Variants in ATOSA observed in about 807,000 individuals in gnomAD.
ATOSA encodes atos homolog A, also known as atos homolog protein A.
the ATOSA span, among the ~76,000 whole-genome samples, chr15:52,670,082 T>C: frequency 2.0e-5 from 3 of 152,218 alleles, no homozygotes; most frequent in Non-Finnish European, 4.4e-5. Flanking sequence ...CCCTCTCCAT[T>C]GCATTTGCAT....
chr15:52,699,436 ATCC>A, the ATOSA span, among the ~76,000 whole-genome samples: 26 of 151,656 alleles, frequency 1.7e-4, no homozygotes, highest in South Asian at 2.1e-3. Context: ...CAATCTCCAA[ATCC>A]TTTTAATCCT....
chr15:52,636,003 T>C, the ATOSA span, among the ~76,000 whole-genome samples: 2 of 148,240 alleles, frequency 1.3e-5, no homozygotes, highest in Admixed American at 6.8e-5. Context: ...TATCTCACTC[T>C]GTCAAATAAT....
the ATOSA span, among the ~76,000 whole-genome samples, chr15:52,668,907 A>ATT: frequency 2.1e-5 from 3 of 142,316 alleles, no homozygotes; most frequent in Non-Finnish European, 3.1e-5. Context: ...TGGGTTTGAA[A>ATT]TTTTTTTTTT....
chr15:52,606,766 C>T, the ATOSA span, among the ~76,000 whole-genome samples: 8 of 152,146 alleles, frequency 5.3e-5, no homozygotes, highest in Admixed American at 6.5e-5. Context: ...CATGTTAGAG[C>T]GAGATCTTCT....
chr15:52,595,795 G>C, the ATOSA span, among the ~76,000 whole-genome samples: 50 of 152,064 alleles, frequency 3.3e-4, 1 homozygote, highest in Non-Finnish European at 6.9e-4. Context: ...GAAATACTTA[G>C]GTATACATCT....
the ATOSA span, among the ~76,000 whole-genome samples, chr15:52,690,999 T>C: frequency 6.6e-6 from 1 of 152,208 alleles, no homozygotes; most frequent in African/African-American, 2.4e-5. Flanking sequence ...TAATGTTATA[T>C]TTCTTAGACC....
At chr15:52,674,199 C>G in the ATOSA span, among the ~76,000 whole-genome samples, 1 of 146,600 alleles carries the variant, frequency 6.8e-6, no homozygotes, top group Non-Finnish European at 1.5e-5. Flanking sequence ...TTAATTACCT[C>G]TACACTAAGA....
At chr15:52,612,565 C>T in the ATOSA span, among the ~76,000 whole-genome samples, 7 of 146,448 alleles carry the variant, frequency 4.8e-5, no homozygotes, top group Non-Finnish European at 7.5e-5. Context: ...AGTGTAATGG[C>T]ACCATCTTGG....
the ATOSA span, among the ~76,000 whole-genome samples, chr15:52,633,123 G>C: frequency 7.2e-5 from 11 of 152,150 alleles, no homozygotes; most frequent in East Asian, 2.1e-3. Flanking sequence ...TCTTTACTCA[G>C]GTTGGGCCTG....
the ATOSA span, chr15:52,658,722 T>TAGGAG: frequency 2.6e-6 from 1 of 380,344 alleles, no homozygotes; most frequent in African/African-American, 2.3e-5. Context: ...TTCCAGACTT[T>TAGGAG]AGGAGGCTGA....
At chr15:52,623,671 C>A in the ATOSA span, among the ~76,000 whole-genome samples, 1 of 152,104 alleles carries the variant, frequency 6.6e-6, no homozygotes, top group South Asian at 2.1e-4. Flanking sequence ...AAGAAGTGAC[C>A]ATTGAATTTG....
the ATOSA span, among the ~76,000 whole-genome samples, chr15:52,636,237 A>G: frequency 1.3e-5 from 2 of 151,474 alleles, no homozygotes; most frequent in African/African-American, 2.4e-5. Flanking sequence ...GAATTAAATT[A>G]GAAATCAGTA....
chr15:52,607,031 G>GA, the ATOSA span, among the ~76,000 whole-genome samples: 1 of 152,122 alleles, frequency 6.6e-6, no homozygotes, highest in Non-Finnish European at 1.5e-5. Flanking sequence ...TATGTATATA[G>GA]TACATTAAGG....
At chr15:52,697,955 GA>G in the ATOSA span, among the ~76,000 whole-genome samples, 1 of 88,550 alleles carries the variant, frequency 1.1e-5, no homozygotes, top group South Asian at 4.1e-4. Context: ...CAGGGATGTA[GA>G]ATTTTTTTTT....
the ATOSA span, chr15:52,593,648 G>C: frequency 6.4e-7 from 1 of 1,564,372 alleles, no homozygotes; most frequent in South Asian, 1.2e-5. Context: ...AGTCAAATGT[G>C]TGGGGCAGAA....
the ATOSA span, among the ~76,000 whole-genome samples, chr15:52,632,448 G>A: frequency 6.6e-6 from 1 of 152,144 alleles, no homozygotes; most frequent in African/African-American, 2.4e-5. Flanking sequence ...GTGAAACAGT[G>A]TAGCATAATT....
the ATOSA span, among the ~76,000 whole-genome samples, chr15:52,706,451 T>C: frequency 6.6e-6 from 1 of 152,190 alleles, no homozygotes; most frequent in Non-Finnish European, 1.5e-5. Flanking sequence ...ATTGCAGGAC[T>C]GGGCAAATGA....
the ATOSA span, among the ~76,000 whole-genome samples, chr15:52,644,347 C>T: frequency 2.0e-5 from 3 of 152,174 alleles, no homozygotes; most frequent in Non-Finnish European, 2.9e-5. Context: ...AGCTTACATA[C>T]ATAATTCTTC....
the ATOSA span, among the ~76,000 whole-genome samples, chr15:52,617,227 C>T: frequency 1.3e-5 from 2 of 152,152 alleles, no homozygotes; most frequent in Admixed American, 1.3e-4. Context: ...GATCTCCTCT[C>T]TCCCTGCTTT....
Sources: allele counts gnomAD v4.1 joint callset (sites outside exome capture counted in the v4.1 genomes callset), GRCh38; gene constraint gnomAD v4.1.1; transcripts MANE v1.5; gene names NCBI Gene and HGNC (gene_info 2026-07-23, HGNC 2026-07-21).